The following MCTP1 variants were observed in gnomAD, a reference collection of about 807,000 sequenced individuals.
MCTP1 encodes the protein multiple C2 and transmembrane domain containing 1.
A neutral mutation model predicts 120.6 loss-of-function variants in MCTP1; 69 were observed. That is an observed-to-expected ratio of 0.57 (90% confidence interval 0.47 to 0.70). The LOEUF (loss-of-function observed/expected upper bound fraction) is 0.70, where lower values mean the gene tolerates loss of function less well. MCTP1 is among the 30% of genes least tolerant of loss of function. MCTP1 has a pLI of 0.00. For missense variants in MCTP1, 1,203 were observed against 1,248.8 expected, an observed-to-expected ratio of 0.96 and a Z score of 0.55; for synonymous variants, 529 against 493.1, an observed-to-expected ratio of 1.07 and a Z score of -0.96.
At chr5:95,283,778 G>T (rs1229959809) in intron 1 of MCTP1, 78 bp downstream of exon 1, 3 of 1,157,848 alleles carry the variant, frequency 2.6e-6, no homozygotes, top group African/African-American at 1.6e-5. Context: ...CCCGCCCCCC[G>T]CTCCCCGGGT....
intron 3 of MCTP1, among the ~76,000 whole-genome samples, chr5:94,946,683 T>G (rs1398134062): frequency 6.6e-6 from 1 of 152,182 alleles, no homozygotes; most frequent in African/African-American, 2.4e-5. Flanking sequence ...TCAGGATTTC[T>G]AATTCAAGGC....
chr5:94,721,839 G>GT lies in MCTP1; in HGVS notation c.2611-6954dup, dbSNP rs1422197720. 4.6e-3 allele frequency among the ~76,000 whole-genome samples: 207 copies of GT among 45,036 alleles called. 1 individual carries two copies. The highest frequency in any genetic ancestry group is 0.013 in the African/African-American group (161 of 12,872). The allele number at this position is 45,036 out of a possible 152,430, so 29.5% of individuals were successfully genotyped here. Reference sequence around the variant, plus strand: ...ATCACCCAGTCTTGGTAGTGACACTGTTTTGTTTTTTTTTTTTTAATGCAT... The same window carrying GT: ...ATCACCCAGTCTTGGTAGTGACACTGTTTTTGTTTTTTTTTTTTTAATGCAT... On this transcript the variant is annotated intron_variant, in intron 19 of 22. Coordinates refer to ENST00000515393, the MANE Select transcript of MCTP1 (RefSeq NM_024717.7).
chr5:95,107,520 T>TTA (rs1757165237), intron 1 of MCTP1, among the ~76,000 whole-genome samples: 1 of 152,196 alleles, frequency 6.6e-6, no homozygotes, highest in Non-Finnish European at 1.5e-5. Context: ...CATATAACTT[T>TTA]TATGGAAATA....
intron 2 of MCTP1, among the ~76,000 whole-genome samples, chr5:94,966,973 C>T (rs1364825082): frequency 6.6e-6 from 1 of 152,148 alleles, no homozygotes; most frequent in East Asian, 1.9e-4. Flanking sequence ...GATCATTTTA[C>T]AAAAAACGCA....
At chr5:95,136,053 C>T (rs56401385) in intron 1 of MCTP1, among the ~76,000 whole-genome samples, 2,805 of 152,198 alleles carry the variant, frequency 0.018, 46 homozygotes, top group Middle Eastern at 0.044. Flanking sequence ...ACTTTATTAT[C>T]CTCATCTCCT....
chr5:94,822,316 T>C (rs968033847), intron 17 of MCTP1, among the ~76,000 whole-genome samples: 3 of 152,178 alleles, frequency 2.0e-5, no homozygotes, highest in Non-Finnish European at 4.4e-5. Flanking sequence ...GGTGTTTGGT[T>C]TTCTGTTCCT....
intron 2 of MCTP1, among the ~76,000 whole-genome samples, chr5:94,983,241 C>T (rs1829814455): frequency 6.6e-6 from 1 of 152,224 alleles, no homozygotes; most frequent in South Asian, 2.1e-4. Flanking sequence ...TCTTGTAATA[C>T]TTAAGCAGAG....
chr5:95,131,614 G>A (rs1458781863), intron 1 of MCTP1, among the ~76,000 whole-genome samples: 5 of 151,400 alleles, frequency 3.3e-5, no homozygotes, highest in South Asian at 2.1e-4. Flanking sequence ...TTTTGTCATC[G>A]TAGTTATACT....
chr5:94,850,673 C>G (rs1793506011), intron 17 of MCTP1, among the ~76,000 whole-genome samples: 1 of 152,182 alleles, frequency 6.6e-6, no homozygotes, highest in Non-Finnish European at 1.5e-5. Context: ...CCCTCTTTAT[C>G]TTTTGAAGGT....
rs574423422 is a variant in MCTP1, at chr5:94,706,021, AAT to A, written c.*1473_*1474del. The A allele has an allele frequency of 1.3e-3, 192 of 151,866 alleles. 1 individual carries two copies. The highest frequency in any genetic ancestry group is 3.8e-3 in the African/African-American group (159 of 41,530). The allele number at this position is 151,866 out of a possible 1,614,324, so 9.4% of individuals were successfully genotyped here. On this transcript the variant is annotated 3_prime_UTR_variant, in exon 23 of 23. Transcript: ENST00000515393. ...TTTAACAACTTATCTCTAAAATAAA[AAT>A]ACTTTAAAAATCAGCTTCAATGAGA...
intron 1 of MCTP1, among the ~76,000 whole-genome samples, chr5:95,183,575 A>G (rs1748856645): frequency 6.6e-6 from 1 of 152,130 alleles, no homozygotes; most frequent in Non-Finnish European, 1.5e-5. Flanking sequence ...TATATCTGAC[A>G]TATTGTATAT....
chr5:94,779,162 A>C lies in MCTP1; in HGVS notation c.2558T>G (p.Val853Gly), dbSNP rs540042983. The C allele has an allele frequency of 6.2e-7, 1 of 1,613,370 alleles. No individual in the cohort carries two copies. The highest frequency in any genetic ancestry group is 1.7e-5 in the Admixed American group (1 of 59,956). The change falls in exon 19 of 23, where the codon GTA becomes GGA. Residue 853 changes from valine (V) to glycine (G), a missense_variant and splice_region_variant. By Grantham distance (109) the Val-to-Gly change is moderately radical. Transcript: ENST00000515393. ...SGKDNRQRDTVVEDMLEDEEE... is the reference protein window; with the variant it reads ...SGKDNRQRDTGVEDMLEDEEE... ...CTCGTCCTCTAGCATGTCCTCCACTACCTGCAGAGAGAAACAGAAGTCGTT... is the reference window on the plus strand; with the variant it reads ...CTCGTCCTCTAGCATGTCCTCCACTCCCTGCAGAGAGAAACAGAAGTCGTT...
chr5:94,850,298 A>C (rs1296285522), intron 17 of MCTP1, among the ~76,000 whole-genome samples: 1 of 152,138 alleles, frequency 6.6e-6, no homozygotes, highest in Non-Finnish European at 1.5e-5. Context: ...AAGGCCCAAA[A>C]ACTGCATAAG....
At chr5:94,991,750 G>A (rs890306935) in intron 2 of MCTP1, among the ~76,000 whole-genome samples, 17 of 151,780 alleles carry the variant, frequency 1.1e-4, no homozygotes, top group Admixed American at 3.9e-4. Context: ...GGTGGCGGGC[G>A]CCTGTAATCC....
At chr5:94,950,674 C>T (rs750524750) in intron 3 of MCTP1, among the ~76,000 whole-genome samples, 2 of 151,930 alleles carry the variant, frequency 1.3e-5, no homozygotes, top group Non-Finnish European at 2.9e-5. Flanking sequence ...AAAATTTTGG[C>T]CAGGCGCGGT....
chr5:95,202,090 T>G (rs1265781679), intron 1 of MCTP1, among the ~76,000 whole-genome samples: 1 of 152,080 alleles, frequency 6.6e-6, no homozygotes, highest in Non-Finnish European at 1.5e-5. Context: ...GGTAAGTGGG[T>G]CAGTGGCGTG....
chr5:94,850,844 A>C (rs891991807), intron 17 of MCTP1, among the ~76,000 whole-genome samples: 26 of 152,132 alleles, frequency 1.7e-4, no homozygotes, highest in Non-Finnish European at 3.1e-4. Context: ...GTGATCAATC[A>C]CAAAATTTGG....
chr5:95,146,759 AT>A (rs958668027), intron 1 of MCTP1, among the ~76,000 whole-genome samples: 2 of 151,696 alleles, frequency 1.3e-5, no homozygotes, highest in African/African-American at 2.4e-5. Context: ...GTTTGTTATG[AT>A]TTTTTTTAAC....
chr5:94,892,157 G>T (rs1473389980), intron 11 of MCTP1, among the ~76,000 whole-genome samples: 1 of 152,144 alleles, frequency 6.6e-6, no homozygotes, highest in African/African-American at 2.4e-5. Context: ...TTGTCACCGT[G>T]ACGTCTTATT....
Sources: gnomAD v4.1 joint callset for allele counts (sites outside exome capture counted in the v4.1 genomes callset) on GRCh38, gnomAD v4.1.1 for gene constraint, MANE v1.5 for transcripts, NCBI Gene and HGNC (gene_info 2026-07-23, HGNC 2026-07-21) for gene names.